LCK: variants seen among roughly 807,000 people sequenced by gnomAD.
LCK encodes tyrosine-protein kinase Lck.
Under a neutral mutation model 64.6 loss-of-function variants are expected in LCK, and 14 were observed. That is an observed-to-expected ratio of 0.22 (90% CI 0.14 to 0.34). LCK has a LOEUF of 0.34. Among genes scored for constraint, LCK ranks in the 10% least tolerant of loss-of-function variants. LCK has a pLI of 1.00. For synonymous variants in LCK, 277 were observed against 263.6 expected, an observed-to-expected ratio of 1.05 and a Z score of -0.49; for missense variants, 434 against 668.1, an observed-to-expected ratio of 0.65 and a Z score of 3.86.
chr1:32,266,710 C>T (rs1289202692), intron 1 of LCK, among the ~76,000 whole-genome samples: 2 of 45,844 alleles, frequency 4.4e-5, no homozygotes, highest in African/African-American at 2.0e-4. Flanking sequence ...TCCCCTTCCC[C>T]CTCCTCCCCC....
chr1:32,279,626 C>T (rs1448494743), intron 9 of LCK, 45 bp from the exon 10 acceptor site: 1 of 1,613,626 alleles, frequency 6.2e-7, no homozygotes, highest in East Asian at 2.2e-5. Context: ...CTGGGGGCCT[C>T]CCCCTGGGGC....
At chr1:32,254,665 AC>A (rs1639586671) in intron 1 of LCK, among the ~76,000 whole-genome samples, 1 of 152,102 alleles carries the variant, frequency 6.6e-6, no homozygotes, top group South Asian at 2.1e-4. Context: ...GGCATGGACC[AC>A]CACGCCCGGC....
intron 2 of LCK, 28 bp from the exon 3 acceptor site, chr1:32,274,709 G>A: frequency 2.0e-6 from 3 of 1,536,506 alleles, no homozygotes; most frequent in Non-Finnish European, 2.7e-6. Flanking sequence ...TCTGCTTTCT[G>A]ACCCCACCCT....
chr1:32,257,975 A>G (rs1163159221), intron 1 of LCK, among the ~76,000 whole-genome samples: 3 of 151,870 alleles, frequency 2.0e-5, no homozygotes, highest in Non-Finnish European at 4.4e-5. Context: ...TCGAGAGGCT[A>G]CAGAGTTCAT....
At chr1:32,259,320 A>G (rs913261151) in intron 1 of LCK, among the ~76,000 whole-genome samples, 7 of 151,286 alleles carry the variant, frequency 4.6e-5, no homozygotes, top group Non-Finnish European at 8.8e-5. Context: ...AAAAAGAAAA[A>G]AAAAATAGCT....
At chr1:32,284,963 C>A (rs1217548389) in intron 12 of LCK, among the ~76,000 whole-genome samples, 1 of 152,146 alleles carries the variant, frequency 6.6e-6, no homozygotes, top group Non-Finnish European at 1.5e-5. Context: ...CTGCTGCACT[C>A]CAGCCTGGGC....
At position 32,285,587 on chromosome 1, in the gene LCK, G is replaced by A; in HGVS notation, c.1401G>A (p.Glu467=). The change falls in exon 13 of 13, where the codon GAG becomes GAA. Residue 467 remains glutamate (E), a synonymous_variant. Transcript: ENST00000336890. ...YRMVRPDNCP[E]ELYQLMRLCW... ...TGGTGCGCCCTGACAACTGTCCAGAGGAGCTGTACCAACTCATGAGGCTGT... is the reference window on the plus strand; with the variant it reads ...TGGTGCGCCCTGACAACTGTCCAGAAGAGCTGTACCAACTCATGAGGCTGT... 1.9e-6 allele frequency: 3 copies of A among 1,614,234 alleles called. No individual in the cohort carries two copies. Among genetic ancestry groups the A allele is most frequent in the East Asian group, 2.2e-5 (1 of 44,882 alleles).
chr1:32,252,464 G>GT (rs1481343953), intron 1 of LCK, among the ~76,000 whole-genome samples: 19 of 152,330 alleles, frequency 1.2e-4, no homozygotes, highest in African/African-American at 3.8e-4. Context: ...CTTCGTTGGA[G>GT]TTTTTCTTGA....
At chr1:32,269,791 T>C (rs1386386112) in intron 1 of LCK, among the ~76,000 whole-genome samples, 1 of 152,052 alleles carries the variant, frequency 6.6e-6, no homozygotes, top group Non-Finnish European at 1.5e-5. Context: ...AGGAGATTAA[T>C]TACCCAGTCC....
intron 1 of LCK, among the ~76,000 whole-genome samples, chr1:32,258,794 A>T (rs1451210135): frequency 7.9e-6 from 1 of 127,032 alleles, no homozygotes; most frequent in Non-Finnish European, 1.6e-5. Flanking sequence ...ACAGTGCGAG[A>T]CTCCGTCTCA....
At chr1:32,272,995 T>C (rs911516257) in intron 1 of LCK, among the ~76,000 whole-genome samples, 5 of 143,388 alleles carry the variant, frequency 3.5e-5, no homozygotes, top group Admixed American at 1.4e-4. Context: ...GGTGAATGCG[T>C]GTGTGTGTGT....
chr1:32,272,457 C>T (rs545941642), intron 1 of LCK, among the ~76,000 whole-genome samples: 88 of 151,818 alleles, frequency 5.8e-4, no homozygotes, highest in African/African-American at 2.1e-3. Flanking sequence ...TGATGGTGTG[C>T]ACCTTTAGTC....
rs1404547164 is a variant in LCK at position 32,274,783 on chromosome 1, A to G, written c.152A>G (p.Tyr51Cys). The change falls in exon 3 of 13, where the codon TAC (tyrosine) becomes TGC (cysteine). Residue 51 changes from tyrosine to cysteine, a missense_variant. Tyr to Cys is a radical substitution (Grantham distance 194). This residue lies in a region of LCK where 233 missense variants were observed against 291.2 expected (regional missense o/e 0.80). Transcript: ENST00000336890. ...GSEVRDPLVT[Y>C]EGSNPPASPL... Reference sequence around the variant, plus strand: ...GAGGTGCGGGACCCACTGGTTACCTACGAAGGCTCCAATCCGCCGGCTTCC... The same window carrying G: ...GAGGTGCGGGACCCACTGGTTACCTGCGAAGGCTCCAATCCGCCGGCTTCC... 2 of 1,612,790 alleles carry G rather than the reference A, an allele frequency of 1.2e-6. No individual in the cohort carries two copies. The highest frequency in any genetic ancestry group is 4.5e-5 in the East Asian group (2 of 44,860).
At chr1:32,274,269 T>A in intron 1 of LCK, 56 bp from the exon 2 acceptor site, 1 of 1,613,030 alleles carries the variant, frequency 6.2e-7, no homozygotes, top group Non-Finnish European at 8.5e-7. Flanking sequence ...TTATATCTGA[T>A]GTTGGGGGAG....
intron 1 of LCK, among the ~76,000 whole-genome samples, chr1:32,268,504 G>A (rs929768592): frequency 1.3e-5 from 2 of 151,558 alleles, no homozygotes; most frequent in African/African-American, 4.8e-5. Flanking sequence ...ATAATAATAA[G>A]AGGCTTGCTT....
chr1:32,279,643 G>A (rs1640389210), intron 9 of LCK, 28 bp from the exon 10 acceptor site: 1 of 1,613,756 alleles, frequency 6.2e-7, no homozygotes, highest in African/African-American at 1.3e-5. Context: ...GGGCAACTTG[G>A]GCCAGCAACT....
At position 32,276,660 on chromosome 1, in the gene LCK, A is replaced by G; in HGVS notation, c.838A>G (p.Met280Val). 6.2e-7 allele frequency: 1 copy of G among 1,614,042 alleles called. No individual in the cohort carries two copies. Among genetic ancestry groups the G allele is most frequent in the Non-Finnish European group, 8.5e-7 (1 of 1,179,984 alleles). Residue 280 changes from methionine (M) to valine (V), a missense_variant, in exon 9 of 13, where the codon ATG (methionine) becomes GTG (valine). Met to Val is a conservative substitution (Grantham distance 21). This residue lies in a region of LCK where 201 missense variants were observed against 376.9 expected (regional missense o/e 0.53). Transcript: ENST00000336890. This position sits in a 1 kb window ranked among gnomAD's most constrained non-coding sequence, Gnocchi z 4.6. ...VAVKSLKQGS[M>V]SPDAFLAEAN... is the part of the protein sequence containing the mutation. ...GGTGAAGAGCCTGAAGCAGGGCAGC[A>G]TGTCCCCGGACGCCTTCCTGGCCGA... is the stretch of plus-strand genomic sequence containing the variant.
At position 32,275,867 on chromosome 1, in the gene LCK, A is replaced by G; in HGVS notation, c.482-47A>G. The G allele has an allele frequency of 6.2e-7, 1 of 1,607,814 alleles. No homozygotes were observed. The highest frequency in any genetic ancestry group is 8.5e-7 in the Non-Finnish European group (1 of 1,176,296). ...AGGTGGGGGCGCGGTGGCGGGCCAG[A>G]CTCACTGCGTTCTTTCGTCGCTTTG... On this transcript the variant is annotated intron_variant, in intron 6 of 12. Coordinates refer to ENST00000336890, the MANE Select transcript of LCK (RefSeq NM_005356.5). This position sits in a 1 kb window ranked among gnomAD's most constrained non-coding sequence, Gnocchi z 6.9.
At chr1:32,281,765 G>A (rs72888221) in intron 12 of LCK, among the ~76,000 whole-genome samples, 5,335 of 152,068 alleles carry the variant, frequency 0.035, 309 homozygotes, top group African/African-American at 0.12. Context: ...CTCCAAGGAA[G>A]GTAAAGACAC....
Sources: allele counts gnomAD v4.1 joint callset (sites outside exome capture counted in the v4.1 genomes callset), GRCh38; gene constraint gnomAD v4.1.1; regional missense constraint gnomAD v4.1.1; non-coding constraint Gnocchi (gnomAD v3.1); transcripts MANE v1.5; gene names NCBI Gene and HGNC (gene_info 2026-07-23, HGNC 2026-07-21).